Variants in UTRN observed in about 807,000 individuals in gnomAD.
UTRN encodes dystrophin-related protein 1.
Under a neutral mutation model 463.9 loss-of-function variants are expected in UTRN, and 283 were observed. The observed-to-expected ratio is 0.61, with a 90% CI of 0.55 to 0.67. The LOEUF is 0.67. Among genes scored for constraint, UTRN ranks in the 30% least tolerant of loss-of-function variants. The pLI is 0.00. For synonymous variants in UTRN, 1,442 were observed against 1,431.5 expected, an observed-to-expected ratio of 1.01 and a Z score of -0.17; for missense variants, 3,922 against 4,084.3, an observed-to-expected ratio of 0.96 and a Z score of 1.08.
rs753671158 is a variant in UTRN, at chr6:144,521,999, G to A, written c.5561G>A (p.Arg1854Lys). The A allele has an allele frequency of 1.3e-6, 2 of 1,570,456 alleles. No individual in the cohort carries two copies. The highest frequency in any genetic ancestry group is 1.7e-6 in the Non-Finnish European group (2 of 1,162,594). Residue 1854 changes from arginine to lysine, a missense_variant, in exon 40 of 75, where the codon AGG becomes AAG. Physicochemically the swap from Arg to Lys is conservative, Grantham distance 26. This residue lies in a region of UTRN where 2,349 missense variants were observed against 2,303.8 expected (regional missense o/e 1.02). Transcript: ENST00000367545. ...NKIKAIPIQQ[R>K]KMGQLASGIR... ...TTGTAGGCAATCCCTATTCAACAGA[G>A]GAAAATGGGTCAACTTGCTTCTGGA...
In UTRN at chr6:144,514,782, A is replaced by C; in HGVS notation, c.5206A>C (p.Asn1736His). 6.2e-7 allele frequency: 1 copy of C among 1,614,078 alleles called. No individual in the cohort carries two copies. The highest frequency in any genetic ancestry group is 8.5e-7 in the Non-Finnish European group (1 of 1,179,988). The change falls in exon 37 of 75, where the codon AAC becomes CAC. Residue 1736 changes from asparagine to histidine, a missense_variant. Asn to His is a moderately conservative substitution (Grantham distance 68). Around this residue, in one of 3 missense-constraint regions of UTRN, gnomAD observed 2,349 missense variants for 2,303.8 expected, o/e 1.02. Transcript: ENST00000367545. ...VEPKLAELNRNFEKVSQHIKS... is the reference protein window; with the variant it reads ...VEPKLAELNRHFEKVSQHIKS... ...ACCAAAGTTAGCTGAGCTGAATAGGAACTTTGAAAAGGTGTCTCAACATAT... is the reference window on the plus strand; with the variant it reads ...ACCAAAGTTAGCTGAGCTGAATAGGCACTTTGAAAAGGTGTCTCAACATAT...
intron 23 of UTRN, among the ~76,000 whole-genome samples, chr6:144,468,038 T>C (rs75323484): frequency 2.0e-5 from 3 of 152,172 alleles, no homozygotes; most frequent in East Asian, 3.9e-4. Flanking sequence ...TTTTTTTTTT[T>C]CTGGTCTATG....
Position 144,827,338 on chromosome 6 carries a change from C to T in UTRN, c.9495-10C>T, listed in dbSNP as rs1263272526. On this transcript the variant is annotated splice_polypyrimidine_tract_variant and intron_variant, in intron 66 of 74. Coordinates refer to ENST00000367545, the MANE Select transcript of UTRN (RefSeq NM_007124.3). ...TCTGTGACTTTTGTCTCCCTCTCCC[C>T]TCTTTGCAGTCCTATCACACTCATC... 1.9e-6 allele frequency: 3 copies of T among 1,613,216 alleles called. No homozygotes were observed. Among genetic ancestry groups the T allele is most frequent in the Non-Finnish European group, 2.5e-6 (3 of 1,179,568 alleles).
chr6:144,488,877 T>C, intron 30 of UTRN, 43 bp downstream of exon 30: 1 of 1,505,046 alleles, frequency 6.6e-7, no homozygotes, highest in Non-Finnish European at 8.9e-7. Flanking sequence ...TAAAGAGAGC[T>C]TTTGTAATTG....
chr6:144,763,628 A>C (rs1792955797), intron 58 of UTRN, among the ~76,000 whole-genome samples: 2 of 152,212 alleles, frequency 1.3e-5, no homozygotes, highest in African/African-American at 4.8e-5. Context: ...GCAATACAGA[A>C]GAAATAGTCC....
intron 57 of UTRN, among the ~76,000 whole-genome samples, chr6:144,757,492 G>A (rs543899957): frequency 2.6e-5 from 4 of 152,106 alleles, no homozygotes; most frequent in African/African-American, 9.6e-5. Flanking sequence ...CTGTGACTAC[G>A]ATGCAAAGTA....
intron 35 of UTRN, among the ~76,000 whole-genome samples, chr6:144,512,157 A>T (rs1466261505): frequency 6.6e-6 from 1 of 152,170 alleles, no homozygotes; most frequent in Non-Finnish European, 1.5e-5. Context: ...ATGAGAACAA[A>T]AGTATATACC....
intron 53 of UTRN, among the ~76,000 whole-genome samples, chr6:144,728,036 G>T (rs934493210): frequency 2.7e-5 from 4 of 150,034 alleles, no homozygotes; most frequent in African/African-American, 9.9e-5. Context: ...AGAGGCAGAG[G>T]TTGCAAGTGA....
In UTRN at chr6:144,739,917, G is replaced by A. The variant is rs899414505; in HGVS notation, c.7940-8329G>A. ...TGGAGGAAGAATCCAATCCCATAAA[G>A]GAAGGGGAAAGTGAAAAATGGTAGT... On this transcript the variant is annotated intron_variant, in intron 54 of 74. Coordinates refer to ENST00000367545, the MANE Select transcript of UTRN (RefSeq NM_007124.3). 1.9e-4 allele frequency among the ~76,000 whole-genome samples: 29 copies of A among 152,156 alleles called. 1 individual carries two copies. Among genetic ancestry groups the A allele is most frequent in the Admixed American group, 1.8e-3 (28 of 15,274 alleles).
chr6:144,470,491 C>T (rs1233579685), intron 23 of UTRN, among the ~76,000 whole-genome samples: 2 of 151,052 alleles, frequency 1.3e-5, no homozygotes, highest in South Asian at 4.2e-4. Flanking sequence ...GAGACGCTCC[C>T]CACATCCCAG....
At chr6:144,330,763 G>C (rs540793581) in intron 2 of UTRN, 1 of 952,142 alleles carries the variant, frequency 1.1e-6, no homozygotes, top group African/African-American at 1.8e-5. Flanking sequence ...ACAGAGGCAG[G>C]AATGTGACCA....
In UTRN at chr6:144,483,843, C is replaced by T. The variant is rs540932188; in HGVS notation, c.3687+1455C>T. 3.9e-5 allele frequency among the ~76,000 whole-genome samples: 6 copies of T among 152,276 alleles called. No homozygotes were observed. The East Asian group carries it at 7.7e-4, about 20-fold the overall frequency. On this transcript the variant is annotated intron_variant, in intron 27 of 74. Coordinates refer to ENST00000367545, the MANE Select transcript of UTRN (RefSeq NM_007124.3). The stretch of plus-strand genomic sequence containing the variant: ...TTTCTCAAGGGTTGTACAACACATA[C>T]CCCCCTCCAAGAAGAATCTGTGATA...
chr6:144,389,839 T>A (rs552114738), intron 2 of UTRN, among the ~76,000 whole-genome samples: 14 of 152,316 alleles, frequency 9.2e-5, no homozygotes, highest in African/African-American at 2.6e-4. Flanking sequence ...CCTCAGATGA[T>A]CCGCCCATCC....
chr6:144,337,581 G>T (rs1776833409), intron 2 of UTRN, among the ~76,000 whole-genome samples: 1 of 151,988 alleles, frequency 6.6e-6, no homozygotes, highest in South Asian at 2.1e-4. Flanking sequence ...TATGTCTGAG[G>T]TCTGGCTCCG....
chr6:144,646,640 G>A (rs1283107683), intron 51 of UTRN, among the ~76,000 whole-genome samples: 5 of 151,906 alleles, frequency 3.3e-5, no homozygotes, highest in African/African-American at 1.2e-4. Context: ...TCAAGAAATG[G>A]GAGGTTTTCC....
intron 2 of UTRN, among the ~76,000 whole-genome samples, chr6:144,295,880 C>T (rs1450725046): frequency 6.6e-6 from 1 of 152,182 alleles, no homozygotes; most frequent in Non-Finnish European, 1.5e-5. Flanking sequence ...CTCCAAAGGC[C>T]CAGTGTGTCT....
intron 2 of UTRN, among the ~76,000 whole-genome samples, chr6:144,317,979 C>A (rs1378670499): frequency 6.6e-6 from 1 of 150,760 alleles, no homozygotes; most frequent in Non-Finnish European, 1.5e-5. Flanking sequence ...TTTTGACAAA[C>A]CTCACGACTG....
At chr6:144,819,468 G>T (rs1779368567) in intron 65 of UTRN, among the ~76,000 whole-genome samples, 1 of 152,096 alleles carries the variant, frequency 6.6e-6, no homozygotes. Flanking sequence ...TCTGAGGCAG[G>T]TGAATCACTT....
intron 2 of UTRN, among the ~76,000 whole-genome samples, chr6:144,321,932 T>A (rs1775685322): frequency 6.6e-6 from 1 of 151,798 alleles, no homozygotes; most frequent in African/African-American, 2.4e-5. Context: ...CCTGGCTGAT[T>A]TTTGCATTTT....
Sources: gnomAD v4.1 joint callset for allele counts (sites outside exome capture counted in the v4.1 genomes callset) on GRCh38, gnomAD v4.1.1 for gene constraint, gnomAD v4.1.1 regional missense constraint, MANE v1.5 for transcripts, NCBI Gene and HGNC (gene_info 2026-07-23, HGNC 2026-07-21) for gene names.